Variants in PSD4 observed in about 807,000 individuals in gnomAD.
The protein encoded by PSD4 is PH and SEC7 domain-containing protein 4.
Under a neutral mutation model 112.5 loss-of-function variants are expected in PSD4, and 59 were observed. The observed-to-expected ratio is 0.52, with a 90% confidence interval of 0.43 to 0.65. The LOEUF (loss-of-function observed/expected upper bound fraction) is 0.65. PSD4 is among the 30% of genes least tolerant of loss of function. The pLI is 0.00. For missense variants in PSD4, 1,267 were observed against 1,352.6 expected (o/e 0.94, Z 0.99); for synonymous variants, 533 against 540.0 (o/e 0.99, Z 0.18).
intron 1 of PSD4, among the ~76,000 whole-genome samples, chr2:113,176,098 A>C (rs1423747895): frequency 6.6e-5 from 10 of 152,330 alleles, no homozygotes. Context: ...CAGGGCACCC[A>C]AGGCCATCAC....
chr2:113,201,125 T>G (rs767283539), intron 16 of PSD4, 33 bp from the exon 17 acceptor site: 3 of 1,570,290 alleles, frequency 1.9e-6, no homozygotes, highest in Non-Finnish European at 2.6e-6. Flanking sequence ...GGAGCCAGGA[T>G]GGTGCTAAGG....
At chr2:113,174,737 G>A (rs1687921921) in intron 1 of PSD4, among the ~76,000 whole-genome samples, 1 of 152,168 alleles carries the variant, frequency 6.6e-6, no homozygotes, top group Non-Finnish European at 1.5e-5. Flanking sequence ...AACTCTCAAA[G>A]TGTGCCTGTG....
At position 113,183,430 on chromosome 2, in the gene PSD4, A is replaced by G. The variant is rs1688207955; in HGVS notation, c.974A>G (p.Tyr325Cys). Residue 325 changes from tyrosine to cysteine, a missense_variant, in exon 2 of 17, where the codon TAT (tyrosine) becomes TGT (cysteine). Transcript: ENST00000245796. ...ACCCCTCCATTCCCTGTGCCCATCTATAAACCACACTCCATCTGCTGGGCC... is the reference window on the plus strand; with the variant it reads ...ACCCCTCCATTCCCTGTGCCCATCTGTAAACCACACTCCATCTGCTGGGCC... ...HCTPPFPVPI[Y>C]KPHSICWASV... The G allele has an allele frequency of 1.9e-6, 3 of 1,582,460 alleles. No individual in the cohort carries two copies. Among genetic ancestry groups the G allele is most frequent in the Admixed American group, 1.8e-5 (1 of 55,044 alleles).
intron 1 of PSD4, among the ~76,000 whole-genome samples, chr2:113,180,231 C>T (rs550586684): frequency 6.6e-4 from 100 of 152,252 alleles, no homozygotes; most frequent in African/African-American, 1.2e-3. Flanking sequence ...GAAGGCCGCG[C>T]GAATCACCTC....
intron 14 of PSD4, chr2:113,198,297 G>C: frequency 4.4e-6 from 1 of 229,350 alleles, no homozygotes; most frequent in Non-Finnish European, 8.4e-6. Flanking sequence ...TTGAGACAGA[G>C]TCTCGCTCTG....
At chr2:113,194,535 A>C (rs982845386) in intron 10 of PSD4, among the ~76,000 whole-genome samples, 2 of 152,242 alleles carry the variant, frequency 1.3e-5, no homozygotes, top group Non-Finnish European at 2.9e-5. Context: ...GTTCTGAGAA[A>C]TGCATCGTTG....
At chr2:113,186,315 T>G in intron 5 of PSD4, 60 bp downstream of exon 5, 120 of 1,424,494 alleles carry the variant, frequency 8.4e-5, no homozygotes, top group Non-Finnish European at 1.1e-4. Context: ...AAGAATATTC[T>G]AGTCTGGATG....
At chr2:113,188,330 G>A (rs1258876032) in intron 5 of PSD4, among the ~76,000 whole-genome samples, 3 of 152,142 alleles carry the variant, frequency 2.0e-5, no homozygotes, top group African/African-American at 7.2e-5. Flanking sequence ...TGCAACCTCT[G>A]CCTCCCGGGT....
At chr2:113,198,612 G>T (rs1006788757) in intron 14 of PSD4, 128 bp from the exon 15 acceptor site, 2 of 1,175,230 alleles carry the variant, frequency 1.7e-6, no homozygotes, top group Non-Finnish European at 2.3e-6. Context: ...CTAGTGGCAG[G>T]GCTGTAACTA....
chr2:113,201,552 T>C lies in PSD4; in HGVS notation c.*137T>C. The C allele has an allele frequency of 1.6e-6, 2 of 1,243,146 alleles. No homozygotes were observed. Among genetic ancestry groups the C allele is most frequent in the Non-Finnish European group, 2.2e-6 (2 of 902,876 alleles). The allele number at this position is 1,243,146 out of a possible 1,614,324, so 77.0% of individuals were successfully genotyped here. A position where few individuals can be genotyped will look rare whatever the true frequency, so the allele number is the denominator to read the frequency against. Reference sequence around the variant, plus strand: ...TTCCCTGCTGAAGGACAAACCTTGTTTCCCTGTGGCCCTCATTCTTGTGCT... The same window carrying C: ...TTCCCTGCTGAAGGACAAACCTTGTCTCCCTGTGGCCCTCATTCTTGTGCT... On this transcript the variant is annotated 3_prime_UTR_variant, in exon 17 of 17. Coordinates refer to ENST00000245796, the MANE Select transcript of PSD4 (RefSeq NM_012455.3).
Position 113,202,843 on chromosome 2 carries a change from T to C in PSD4, c.*1428T>C, listed in dbSNP as rs1200922368. The stretch of plus-strand genomic sequence containing the variant: ...GTAAGGTTGGCCCTTGGAGGCCATG[T>C]TTGGGTCTCCGGCCAGGGCCTAGGG... On this transcript the variant is annotated 3_prime_UTR_variant, in exon 17 of 17. Coordinates refer to ENST00000245796, the MANE Select transcript of PSD4 (RefSeq NM_012455.3). 2 of 152,354 alleles carry C rather than the reference T, an allele frequency of 1.3e-5. No homozygotes were observed. The highest frequency in any genetic ancestry group is 2.9e-5 in the Non-Finnish European group (2 of 68,132). The allele number at this position is 152,354 out of a possible 1,614,324, so 9.4% of individuals were successfully genotyped here. A position where few individuals can be genotyped will look rare whatever the true frequency, so the allele number is the denominator to read the frequency against.
intron 1 of PSD4, chr2:113,175,341 T>TTCTCTCTCTCTCTCTC (rs35717716): frequency 4.7e-5 from 7 of 148,274 alleles, no homozygotes; most frequent in African/African-American, 1.7e-4. Flanking sequence ...TAGCACTGTC[T>TTCTCTCTCTCTCTCTC]TCTCTCTCTC....
intron 1 of PSD4, among the ~76,000 whole-genome samples, chr2:113,176,344 C>G (rs983657816): frequency 6.6e-6 from 1 of 152,186 alleles, no homozygotes; most frequent in East Asian, 1.9e-4. Flanking sequence ...AGTCCCTCAG[C>G]CATTGCTTTC....
In PSD4 at chr2:113,195,018, T is replaced by A. The variant is rs191917978; in HGVS notation, c.2182-709T>A. Among the ~76,000 whole-genome samples the A allele has an allele frequency of 2.7e-4, 41 of 152,370 alleles. 2 individuals carry two copies. Among genetic ancestry groups the A allele is most frequent in the African/African-American group, 9.1e-4 (38 of 41,590 alleles). On this transcript the variant is annotated intron_variant, in intron 10 of 16. Coordinates refer to ENST00000245796, the MANE Select transcript of PSD4 (RefSeq NM_012455.3). ...ATCATTCATTCATTTACTGCACATT[T>A]ATTGTGGGGATTGGTCAGCCAGTTT...
chr2:113,192,920 C>G, intron 6 of PSD4, 128 bp from the exon 7 acceptor site: 1 of 894,892 alleles, frequency 1.1e-6, no homozygotes. Flanking sequence ...ACCCAAGGCC[C>G]AGCGTGCCTG....
At chr2:113,182,271 A>G (rs1218056623) in intron 1 of PSD4, 75 bp from the exon 2 acceptor site, 2 of 610,004 alleles carry the variant, frequency 3.3e-6, no homozygotes, top group Non-Finnish European at 5.8e-6. Context: ...CTCCAAACAC[A>G]TCTAACACAC....
intron 13 of PSD4, 35 bp downstream of exon 13, chr2:113,197,669 A>C (rs1688649777): frequency 1.2e-6 from 2 of 1,613,860 alleles, no homozygotes; most frequent in Non-Finnish European, 1.7e-6. Flanking sequence ...TCAGAATGGG[A>C]GACTGAGAGA....
At chr2:113,184,813 G>T in intron 2 of PSD4, 144 bp from the exon 3 acceptor site, 1 of 1,211,964 alleles carries the variant, frequency 8.3e-7, no homozygotes, top group Non-Finnish European at 1.2e-6. Flanking sequence ...GCCCCTCCTT[G>T]GGCTGGCACC....
chr2:113,183,329 C>T lies in PSD4; in HGVS notation c.873C>T (p.Leu291=), dbSNP rs1268533796. Residue 291 remains leucine (L), a synonymous_variant, in exon 2 of 17, where the codon CTC becomes CTT. Coordinates refer to ENST00000245796, the MANE Select transcript of PSD4 (RefSeq NM_012455.3). ...PESPATLEPP[L]PEDTVLWELE... ...GCCCAGCGACTCTGGAGCCTCCCCT[C>T]CCAGAAGACACAGTGCTGTGGGAGC... is the stretch of plus-strand genomic sequence containing the variant. 9 of 1,604,622 alleles carry T rather than the reference C, an allele frequency of 5.6e-6. No homozygotes were observed. Among genetic ancestry groups the T allele is most frequent in the Non-Finnish European group, 7.7e-6 (9 of 1,174,898 alleles).
Sources: allele counts gnomAD v4.1 joint callset (sites outside exome capture counted in the v4.1 genomes callset), GRCh38; gene constraint gnomAD v4.1.1; transcripts MANE v1.5; gene names NCBI Gene and HGNC (gene_info 2026-07-23, HGNC 2026-07-21).